The following SPON1 variants were observed in gnomAD, a reference collection of about 807,000 sequenced individuals.
The protein encoded by SPON1 is spondin 1.
In SPON1, 52 loss-of-function variants were observed where a neutral mutation model predicts 111.7. The ratio of observed to expected loss-of-function variants is 0.47; its 90% CI spans 0.37 to 0.59. The LOEUF (loss-of-function observed/expected upper bound fraction) is 0.59, where lower values mean the gene tolerates loss of function less well. SPON1 is among the 20% of genes least tolerant of loss of function. The probability of loss-of-function intolerance (pLI) is 0.00; values close to 1 mark genes in which losing one functional copy is unlikely to be tolerated. For missense variants in SPON1, 957 were observed against 1,068.5 expected, an observed-to-expected ratio of 0.90 and a Z score of 1.46; for synonymous variants, 410 against 395.8, an observed-to-expected ratio of 1.04 and a Z score of -0.43.
chr11:13,983,977 A>T (rs1848163411), intron 2 of SPON1, among the ~76,000 whole-genome samples: 2 of 152,016 alleles, frequency 1.3e-5, no homozygotes, highest in African/African-American at 4.8e-5. Context: ...GATTTAAATT[A>T]TTTTTCTGCT....
intron 2 of SPON1, among the ~76,000 whole-genome samples, chr11:14,040,822 T>C (rs1024036530): frequency 4.6e-5 from 7 of 152,054 alleles, no homozygotes; most frequent in Non-Finnish European, 8.8e-5. Context: ...TAGATTACTT[T>C]CTCCCAAAAG....
intron 1 of SPON1, among the ~76,000 whole-genome samples, chr11:13,968,753 C>T (rs1848039194): frequency 6.6e-6 from 1 of 152,092 alleles, no homozygotes; most frequent in Non-Finnish European, 1.5e-5. Context: ...AAGTAGAGGA[C>T]TTCAGTTTTC....
At chr11:14,055,241 CCTT>C (rs781819704) in intron 3 of SPON1, among the ~76,000 whole-genome samples, 50 of 152,266 alleles carry the variant, frequency 3.3e-4, no homozygotes, top group Admixed American at 6.5e-4. Flanking sequence ...GACTGCCTTG[CCTT>C]CTTCATCAGT....
At chr11:14,222,296 C>T (rs1196832005) in intron 6 of SPON1, among the ~76,000 whole-genome samples, 1 of 152,172 alleles carries the variant, frequency 6.6e-6, no homozygotes, top group Non-Finnish European at 1.5e-5. Context: ...GTGACAGAGG[C>T]GTCACATGAC....
At chr11:14,263,004 G>A (rs1275898815) in intron 15 of SPON1, 29 bp downstream of exon 15, 2 of 1,608,052 alleles carry the variant, frequency 1.2e-6, no homozygotes, top group Admixed American at 1.7e-5. Context: ...AGCCTGGGTG[G>A]TCTCCAGGAC....
intron 2 of SPON1, among the ~76,000 whole-genome samples, chr11:14,023,432 TA>T (rs1848494793): frequency 6.6e-6 from 1 of 152,162 alleles, no homozygotes; most frequent in African/African-American, 2.4e-5. Flanking sequence ...TGAAATAACA[TA>T]AATGAAGTGC....
chr11:13,979,238 C>G (rs1848125950), intron 1 of SPON1, among the ~76,000 whole-genome samples: 1 of 152,068 alleles, frequency 6.6e-6, no homozygotes, highest in Non-Finnish European at 1.5e-5. Flanking sequence ...CTAATATCTG[C>G]CTCTGTCATC....
At chr11:14,113,109 C>T (rs967287852) in intron 5 of SPON1, among the ~76,000 whole-genome samples, 2 of 152,194 alleles carry the variant, frequency 1.3e-5, no homozygotes, top group Non-Finnish European at 2.9e-5. Context: ...GGAAGCCAGA[C>T]CTTATAAAGC....
chr11:14,195,569 T>C (rs1848391624), intron 6 of SPON1, among the ~76,000 whole-genome samples: 1 of 152,190 alleles, frequency 6.6e-6, no homozygotes, highest in Non-Finnish European at 1.5e-5. Context: ...TCAGGTCCTA[T>C]ACTTGGGCCT....
chr11:14,095,058 T>C (rs1554923747), intron 5 of SPON1, among the ~76,000 whole-genome samples: 1 of 152,244 alleles, frequency 6.6e-6, no homozygotes, highest in Admixed American at 6.5e-5. Context: ...GTGCTCTTTC[T>C]TTTGAAAATA....
intron 5 of SPON1, among the ~76,000 whole-genome samples, chr11:14,098,611 T>C (rs1554924122): frequency 1.3e-5 from 2 of 151,140 alleles, no homozygotes; most frequent in East Asian, 2.0e-4. Context: ...GCCCAGTTCA[T>C]AGAGCAAATC....
chr11:14,172,759 T>C (rs1424693691), intron 6 of SPON1, among the ~76,000 whole-genome samples: 1 of 151,916 alleles, frequency 6.6e-6, no homozygotes, highest in African/African-American at 2.4e-5. Flanking sequence ...TGAAGCTTAG[T>C]TTGGCTGGTT....
At chr11:14,093,450 C>G (rs1410955649) in intron 5 of SPON1, among the ~76,000 whole-genome samples, 1 of 152,214 alleles carries the variant, frequency 6.6e-6, no homozygotes, top group Admixed American at 6.5e-5. Flanking sequence ...ACAATGTAAG[C>G]TGCATAGCTT....
chr11:13,968,845 T>A (rs1554908321), intron 1 of SPON1, among the ~76,000 whole-genome samples: 1 of 152,176 alleles, frequency 6.6e-6, no homozygotes, highest in Non-Finnish European at 1.5e-5. Flanking sequence ...TGGTCATACC[T>A]AGCTGCAAGG....
At chr11:13,974,879 C>T (rs1048762121) in intron 1 of SPON1, among the ~76,000 whole-genome samples, 10 of 152,196 alleles carry the variant, frequency 6.6e-5, no homozygotes, top group African/African-American at 2.2e-4. Context: ...CCTTTTATCA[C>T]ACCCTTCCTC....
At chr11:14,224,696 G>A in intron 6 of SPON1, 1 of 477,590 alleles carries the variant, frequency 2.1e-6, no homozygotes, top group South Asian at 1.6e-5. Flanking sequence ...TGATGAGGAT[G>A]AAGATGAGGA....
At chr11:14,091,602 G>A (rs1554923383) in intron 5 of SPON1, among the ~76,000 whole-genome samples, 1 of 152,302 alleles carries the variant, frequency 6.6e-6, no homozygotes, top group African/African-American at 2.4e-5. Flanking sequence ...GGGGCCAGCA[G>A]GGCTGGCCGC....
rs782477017 is a variant in SPON1, at chr11:13,963,073, G to A, written c.169G>A (p.Gly57Ser). ...ILRAQGTRRE[G>S]YTEFSLRVEG... ...GCGCGCCCAGGGCACGCGGCGCGAG[G>A]GCTACACCGAGTTCAGCCTCCGCGT... Residue 57 changes from glycine (G) to serine (S), a missense_variant, in exon 1 of 16, where the codon GGC (glycine) becomes AGC (serine). Coordinates refer to ENST00000576479, the MANE Select transcript of SPON1 (RefSeq NM_006108.4). 1.1e-5 allele frequency: 18 copies of A among 1,571,072 alleles called. No homozygotes were observed. The highest frequency in any genetic ancestry group is 1.7e-4 in the Middle Eastern group (1 of 6,024).
intron 6 of SPON1, among the ~76,000 whole-genome samples, chr11:14,225,926 T>C (rs1848733970): frequency 1.3e-5 from 2 of 152,238 alleles, no homozygotes; most frequent in South Asian, 2.1e-4. Context: ...TGTTTGTCTA[T>C]ATAATGTCTT....
Sources: gnomAD v4.1 joint callset for allele counts (sites outside exome capture counted in the v4.1 genomes callset) on GRCh38, gnomAD v4.1.1 for gene constraint, MANE v1.5 for transcripts, NCBI Gene and HGNC (gene_info 2026-07-23, HGNC 2026-07-21) for gene names.